Variants in NRXN1 observed in about 807,000 individuals in gnomAD.
NRXN1 encodes neurexin-1.
Under a neutral mutation model 150.9 loss-of-function variants are expected in NRXN1, and 39 were observed. The observed-to-expected ratio is 0.26, with a 90% CI of 0.20 to 0.34. The LOEUF is 0.34. Ranked by LOEUF, NRXN1 falls within the 10% of genes least tolerant of loss-of-function variation. The pLI is 1.00. For synonymous variants in NRXN1, 924 were observed against 757.0 expected (o/e 1.22, Z -3.62); for missense variants, 1,815 against 1,949.9 (o/e 0.93, Z 1.30).
chr2:50,802,152 C>A (rs1707681863), intron 5 of NRXN1, among the ~76,000 whole-genome samples: 2 of 152,104 alleles, frequency 1.3e-5, no homozygotes, highest in South Asian at 4.1e-4. Context: ...CAAAAGGATA[C>A]ACTGATGTCC....
At chr2:50,116,752 G>C (rs371703247) in intron 18 of NRXN1, among the ~76,000 whole-genome samples, 1 of 152,034 alleles carries the variant, frequency 6.6e-6, no homozygotes, top group African/African-American at 2.4e-5. Context: ...TGCAAATCAA[G>C]TTAACATTTA....
intron 5 of NRXN1, among the ~76,000 whole-genome samples, chr2:50,725,317 T>G (rs1697208010): frequency 6.6e-6 from 1 of 151,776 alleles, no homozygotes; most frequent in African/African-American, 2.4e-5. Context: ...GTTTATAGTG[T>G]TTATATGTGG....
intron 9 of NRXN1, among the ~76,000 whole-genome samples, chr2:50,550,130 T>C (rs976640709): frequency 6.6e-5 from 10 of 152,210 alleles, no homozygotes; most frequent in Admixed American, 5.9e-4. Context: ...AATTCCTCAT[T>C]TCTAAGTGAA....
chr2:50,936,263 TA>T (rs1688531109), intron 2 of NRXN1, among the ~76,000 whole-genome samples: 1 of 152,138 alleles, frequency 6.6e-6, no homozygotes, highest in African/African-American at 2.4e-5. Context: ...CCAACCCTGG[TA>T]TTAGAACAAC....
At position 50,808,388 on chromosome 2, in the gene NRXN1, T is replaced by G. The variant is rs553702436; in HGVS notation, c.832+113481A>C. Reference sequence around the variant, plus strand: ...TTCAATATTTTGAATACATCATTGTTAATTTTGAGTTGGCAGAGGTAAATT... The same window carrying G: ...TTCAATATTTTGAATACATCATTGTGAATTTTGAGTTGGCAGAGGTAAATT... On this transcript the variant is annotated intron_variant, in intron 5 of 22. Coordinates refer to ENST00000401669, the MANE Select transcript of NRXN1 (RefSeq NM_001330078.2). Among the ~76,000 whole-genome samples the G allele has an allele frequency of 1.2e-4, 19 of 152,268 alleles. 1 individual carries two copies. Among genetic ancestry groups the G allele is most frequent in the African/African-American group, 4.6e-4 (19 of 41,574 alleles).
rs1026725023 is a variant in NRXN1, at chr2:50,435,114, T to C, written c.3364+30328A>G. ...TAAAATACAATATATAAAAGCATTTTAGAGACAGAAAAAAGTACACGGTTG... is the reference window on the plus strand; with the variant it reads ...TAAAATACAATATATAAAAGCATTTCAGAGACAGAAAAAAGTACACGGTTG... On this transcript the variant is annotated intron_variant, in intron 17 of 22. Coordinates refer to ENST00000401669, the MANE Select transcript of NRXN1 (RefSeq NM_001330078.2). Among the ~76,000 whole-genome samples the C allele has an allele frequency of 6.6e-5, 10 of 152,312 alleles. 1 individual carries two copies. Among genetic ancestry groups the C allele is most frequent in the African/African-American group, 2.4e-4 (10 of 41,564 alleles).
intron 17 of NRXN1, among the ~76,000 whole-genome samples, chr2:50,356,231 TATC>T (rs2078803902): frequency 6.6e-6 from 1 of 152,160 alleles, no homozygotes; most frequent in African/African-American, 2.4e-5. Context: ...TAGCAAAACT[TATC>T]ATCTAATATT....
intron 5 of NRXN1, among the ~76,000 whole-genome samples, chr2:50,825,978 A>G (rs1670396005): frequency 6.6e-6 from 1 of 152,230 alleles, no homozygotes; most frequent in African/African-American, 2.4e-5. Flanking sequence ...AGAGTAGGAA[A>G]GCCACTTTGA....
intron 10 of NRXN1, among the ~76,000 whole-genome samples, chr2:50,531,809 G>A (rs969013899): frequency 1.3e-5 from 2 of 151,896 alleles, no homozygotes; most frequent in Non-Finnish European, 2.9e-5. Flanking sequence ...AAACACCAGC[G>A]AAGTTGTGGA....
chr2:50,883,510 G>C (rs1428028705), intron 5 of NRXN1, among the ~76,000 whole-genome samples: 1 of 150,512 alleles, frequency 6.6e-6, no homozygotes, highest in East Asian at 2.0e-4. Flanking sequence ...GAATGTTATT[G>C]GATAACATTA....
intron 8 of NRXN1, 37 bp from the exon 9 acceptor site, chr2:50,553,062 A>T (rs1485568544): frequency 7.1e-7 from 1 of 1,412,766 alleles, no homozygotes; most frequent in Non-Finnish European, 9.7e-7. Flanking sequence ...ACTAGCCTCC[A>T]TATTTTAATA....
chr2:50,332,982 T>G (rs570624423), intron 17 of NRXN1, among the ~76,000 whole-genome samples: 1 of 152,290 alleles, frequency 6.6e-6, no homozygotes, highest in East Asian at 1.9e-4. Flanking sequence ...ATACTGGCCA[T>G]CACACCAACA....
rs543927640 is a variant in NRXN1 at position 50,324,627 on chromosome 2, C to T, written c.3365-87657G>A. Among the ~76,000 whole-genome samples, 260 of 152,286 alleles carry T rather than the reference C, an allele frequency of 1.7e-3. 2 individuals carry two copies. Among genetic ancestry groups the T allele is most frequent in the African/African-American group, 5.9e-3 (246 of 41,572 alleles). ...CGCAATCTCGGCTCATTGCAAGCTC[C>T]GCCTCCCGGGTTCACGCCATTCTCC... On this transcript the variant is annotated intron_variant, in intron 17 of 22. Coordinates refer to ENST00000401669, the MANE Select transcript of NRXN1 (RefSeq NM_001330078.2).
At chr2:50,091,293 T>A in intron 19 of NRXN1, 30 bp downstream of exon 19, 9 of 1,613,248 alleles carry the variant, frequency 5.6e-6, no homozygotes, top group Admixed American at 1.7e-5. Context: ...TTTCATAAAA[T>A]CTTCCCCCGA....
At chr2:50,334,522 G>T (rs2077058280) in intron 17 of NRXN1, among the ~76,000 whole-genome samples, 1 of 152,010 alleles carries the variant, frequency 6.6e-6, no homozygotes, top group Admixed American at 6.6e-5. Flanking sequence ...ATGTATCTCT[G>T]ATTTCTAAAT....
intron 13 of NRXN1, among the ~76,000 whole-genome samples, chr2:50,500,007 C>G (rs1247837372): frequency 6.7e-6 from 1 of 149,414 alleles, no homozygotes; most frequent in Non-Finnish European, 1.5e-5. Context: ...GATTTTTATT[C>G]TATGCCACAT....
At chr2:50,199,523 T>C (rs1399011836) in intron 18 of NRXN1, among the ~76,000 whole-genome samples, 4 of 131,114 alleles carry the variant, frequency 3.1e-5, no homozygotes, top group African/African-American at 1.2e-4. Context: ...CTCTTACTCA[T>C]TCTCTCTTTC....
At chr2:50,887,034 T>C (rs1680352196) in intron 5 of NRXN1, among the ~76,000 whole-genome samples, 1 of 151,434 alleles carries the variant, frequency 6.6e-6, no homozygotes, top group African/African-American at 2.4e-5. Context: ...GTATTTAATG[T>C]ATAGTTGTTA....
chr2:49,966,470 A>T (rs1676982041), intron 21 of NRXN1: 1 of 152,134 alleles, frequency 6.6e-6, no homozygotes, highest in Non-Finnish European at 1.5e-5. Flanking sequence ...TAATTCAACA[A>T]AATGAAAAGC....
Sources: gnomAD v4.1 joint callset for allele counts (sites outside exome capture counted in the v4.1 genomes callset) on GRCh38, gnomAD v4.1.1 for gene constraint, MANE v1.5 for transcripts, NCBI Gene and HGNC (gene_info 2026-07-23, HGNC 2026-07-21) for gene names.